The following PCDH15 variants were observed in gnomAD, a reference collection of about 807,000 sequenced individuals.
The protein encoded by PCDH15 is protocadherin related 15, also known as protocadherin-15.
A neutral mutation model predicts 178.5 loss-of-function variants in PCDH15; 129 were observed. The observed-to-expected ratio is 0.72, with a 90% confidence interval of 0.63 to 0.84. PCDH15 has a LOEUF of 0.84. Among genes scored for constraint, PCDH15 ranks in the 40% least tolerant of loss-of-function variants. The pLI is 0.00. For synonymous variants in PCDH15, 800 were observed against 732.0 expected (o/e 1.09, Z -1.50); for missense variants, 2,230 against 2,099.9 (o/e 1.06, Z -1.21).
At chr10:54,297,075 G>T (rs555629396) in intron 8 of PCDH15, among the ~76,000 whole-genome samples, 15 of 152,200 alleles carry the variant, frequency 9.9e-5, no homozygotes, top group South Asian at 2.1e-4. Context: ...GACTGTTGTG[G>T]GTGCTTGGGC....
chr10:53,857,653 T>C (rs1347307477), intron 27 of PCDH15, among the ~76,000 whole-genome samples: 1 of 152,136 alleles, frequency 6.6e-6, no homozygotes. Context: ...AAATCATTTA[T>C]TCATTATAAC....
At chr10:54,272,022 TTTATATATAATATA>T (rs1408599174) in intron 8 of PCDH15, among the ~76,000 whole-genome samples, 2 of 143,286 alleles carry the variant, frequency 1.4e-5, no homozygotes, top group East Asian at 3.9e-4. Context: ...ATATATATAT[TTTATATATAATATA>T]TTATATATAT....
chr10:54,779,899 G>A (rs564169979), intron 1 of PCDH15, among the ~76,000 whole-genome samples: 1 of 151,968 alleles, frequency 6.6e-6, no homozygotes, highest in Non-Finnish European at 1.5e-5. Context: ...CTCCAGAAAA[G>A]ATCCTTTTAT....
intron 2 of PCDH15, among the ~76,000 whole-genome samples, chr10:55,610,918 T>C (rs1486007345): frequency 6.6e-6 from 1 of 152,112 alleles, no homozygotes; most frequent in African/African-American, 2.4e-5. Flanking sequence ...AGTGAAATTA[T>C]ACCTAAGCAC....
intron 3 of PCDH15, among the ~76,000 whole-genome samples, chr10:54,420,458 T>A (rs561171704): frequency 6.6e-6 from 1 of 152,132 alleles, no homozygotes; most frequent in South Asian, 2.1e-4. Context: ...AAAAAGATTA[T>A]TTCACCCAAG....
chr10:54,774,427 A>G (rs59937531), intron 1 of PCDH15, among the ~76,000 whole-genome samples: 12,091 of 152,162 alleles, frequency 0.079, 531 homozygotes, highest in South Asian at 0.14. Flanking sequence ...AGAGTGAATG[A>G]GATACTATGT....
chr10:55,406,060 T>C (rs1199826265), intron 2 of PCDH15, among the ~76,000 whole-genome samples: 1 of 115,810 alleles, frequency 8.6e-6, no homozygotes, highest in Non-Finnish European at 1.8e-5. Context: ...TGGCAGCATG[T>C]TCCCATCTAA....
At chr10:55,580,292 T>C (rs1451516962) in intron 2 of PCDH15, among the ~76,000 whole-genome samples, 3 of 152,206 alleles carry the variant, frequency 2.0e-5, no homozygotes, top group Admixed American at 1.3e-4. Flanking sequence ...ATTATTCATA[T>C]AACTCACCCA....
At chr10:54,185,807 T>A (rs1031272926) in intron 11 of PCDH15, among the ~76,000 whole-genome samples, 1 of 152,096 alleles carries the variant, frequency 6.6e-6, no homozygotes, top group African/African-American at 2.4e-5. Context: ...TACTCTTTCT[T>A]ATTTTAATGC....
At chr10:54,342,276 C>G (rs1019165131) in intron 6 of PCDH15, among the ~76,000 whole-genome samples, 1 of 152,192 alleles carries the variant, frequency 6.6e-6, no homozygotes, top group Non-Finnish European at 1.5e-5. Context: ...ACCAGGGCCC[C>G]ACTGCTCTGT....
chr10:54,175,862 ATAGAATAAC>A, intron 13 of PCDH15, among the ~76,000 whole-genome samples: 1 of 152,318 alleles, frequency 6.6e-6, no homozygotes, highest in South Asian at 2.1e-4. Context: ...TACCTATGAT[ATAGAATAAC>A]TACCTATGAT....
chr10:54,130,129 G>A (rs1564490637), intron 15 of PCDH15, among the ~76,000 whole-genome samples: 2 of 151,496 alleles, frequency 1.3e-5, no homozygotes, highest in Admixed American at 1.3e-4. Context: ...AATTCAGACA[G>A]ACAAAGAGGG....
chr10:54,542,037 A>C (rs2085295828), intron 2 of PCDH15, among the ~76,000 whole-genome samples: 1 of 152,254 alleles, frequency 6.6e-6, no homozygotes, highest in Non-Finnish European at 1.5e-5. Context: ...AAAAATTATA[A>C]GCATTTAATT....
At chr10:55,037,594 C>T (rs1840770026) in intron 2 of PCDH15, among the ~76,000 whole-genome samples, 1 of 152,144 alleles carries the variant, frequency 6.6e-6, no homozygotes, top group Non-Finnish European at 1.5e-5. Context: ...AATGTCTTTA[C>T]ATATAGCTAT....
chr10:54,652,230 A>C (rs1321400025), intron 2 of PCDH15, among the ~76,000 whole-genome samples: 1 of 151,828 alleles, frequency 6.6e-6, no homozygotes, highest in Non-Finnish European at 1.5e-5. Flanking sequence ...TCTTTCTTTG[A>C]GATTTTCAGT....
chr10:55,148,421 T>C lies in PCDH15; in HGVS notation c.-80+18155A>G, dbSNP rs76644561. 2.3e-3 allele frequency among the ~76,000 whole-genome samples: 344 copies of C among 151,930 alleles called. 8 individuals are homozygous for C. In the East Asian group the frequency reaches 0.049, roughly 21 times the overall value. ...AATTCTTAACATTTTTCTGACGTTG[T>C]GGACTAGGACCTATGGGATTCGTCC... On this transcript the variant is annotated intron_variant, in intron 2 of 5. Coordinates refer to the PCDH15 transcript ENST00000458638.
rs575722180 is a variant in PCDH15 at position 54,777,243 on chromosome 10, C to A, written c.-29+23682G>T. Among the ~76,000 whole-genome samples, 16 of 152,326 alleles carry A rather than the reference C, an allele frequency of 1.1e-4. No homozygotes were observed. The East Asian group carries it at 3.1e-3, about 29-fold the overall frequency. On this transcript the variant is annotated intron_variant, in intron 1 of 37. Coordinates refer to ENST00000644397, the MANE Select transcript of PCDH15 (RefSeq NM_001384140.1). Reference sequence around the variant, plus strand: ...CATCTATACAATACTATCTATTTCACTCCACCACCATACCAATCATCGAGC... The same window carrying A: ...CATCTATACAATACTATCTATTTCAATCCACCACCATACCAATCATCGAGC...
intron 2 of PCDH15, among the ~76,000 whole-genome samples, chr10:55,392,980 T>G (rs551335566): frequency 2.1e-4 from 5 of 23,900 alleles, no homozygotes; most frequent in African/African-American, 1.0e-3. Flanking sequence ...CTAAAGTGTA[T>G]GTGTGTGTGT....
intron 2 of PCDH15, among the ~76,000 whole-genome samples, chr10:55,088,058 A>T (rs1842219868): frequency 6.6e-6 from 1 of 152,140 alleles, no homozygotes; most frequent in Admixed American, 6.6e-5. Context: ...TTATGTTTAT[A>T]TTATAAACCA....
Sources: gnomAD v4.1 joint callset for allele counts (sites outside exome capture counted in the v4.1 genomes callset) on GRCh38, gnomAD v4.1.1 for gene constraint, MANE v1.5 for transcripts, NCBI Gene and HGNC (gene_info 2026-07-23, HGNC 2026-07-21) for gene names.